Variants in CHD8 observed in about 807,000 individuals in gnomAD.
CHD8 encodes chromodomain helicase DNA binding protein 8.
Under a neutral mutation model 279.2 loss-of-function variants are expected in CHD8, and 31 were observed. The ratio of observed to expected loss-of-function variants is 0.11; its 90% confidence interval spans 0.08 to 0.15. CHD8 has a LOEUF of 0.15. Ranked by LOEUF, CHD8 falls within the 10% of genes least tolerant of loss-of-function variation. The pLI is 1.00. For synonymous variants in CHD8, 1,081 were observed against 1,139.6 expected, an observed-to-expected ratio of 0.95 and a Z score of 1.04; for missense variants, 2,146 against 3,230.5, an observed-to-expected ratio of 0.66 and a Z score of 8.14.
intron 5 of CHD8, among the ~76,000 whole-genome samples, chr14:21,420,498 C>A (rs189986064): frequency 1.3e-5 from 2 of 152,224 alleles, no homozygotes; most frequent in Admixed American, 1.3e-4. Context: ...CATGGGACTT[C>A]ATTAAAAATC....
chr14:21,420,455 C>G (rs529466798), intron 5 of CHD8, among the ~76,000 whole-genome samples: 87 of 152,234 alleles, frequency 5.7e-4, no homozygotes, highest in African/African-American at 2.0e-3. Flanking sequence ...AGTGAGCCAT[C>G]TGTTGATAAA....
Position 21,400,913 on chromosome 14 carries a change from A to T in CHD8, c.4332T>A (p.Thr1444=). 2 of 1,613,312 alleles carry T rather than the reference A, an allele frequency of 1.2e-6. No individual in the cohort carries two copies. The highest frequency in any genetic ancestry group is 8.5e-7 in the Non-Finnish European group (1 of 1,179,618). Residue 1444 remains threonine, a synonymous_variant, in exon 22 of 38, where the codon ACT becomes ACA. Coordinates refer to ENST00000646647, the MANE Select transcript of CHD8 (RefSeq NM_001170629.2). The surrounding 1 kb of genome is among the most constrained non-coding windows in gnomAD (Gnocchi z 4.2). ...RHDRHHAYGR[T]DCFRVEKHLL... ...GATGCTTTTCCACCCGAAAGCAGTC[A>T]GTGCGCCCATAGGCATGATGACGGT...
rs936150410 is a variant in CHD8 at position 21,410,097 on chromosome 14, A to G, written c.2227-109T>C. 7 of 1,102,240 alleles carry G rather than the reference A, an allele frequency of 6.4e-6. No individual in the cohort carries two copies. The Admixed American group carries it at 1.2e-4, about 20-fold the overall frequency. 68.3% of individuals were successfully genotyped at this position (1,102,240 alleles called of 1,614,324 possible). ...CAGATCACAAAGTATCAGTACCTAG[A>G]AGCCGTTGAAAAAGTCAGGCCAAAC... On this transcript the variant is annotated intron_variant, in intron 10 of 37. Transcript: ENST00000646647.
chr14:21,394,465 G>A lies in CHD8; in HGVS notation c.5411C>T (p.Thr1804Ile), dbSNP rs1887684414. ...CGTAGACACCACTCGATAAAAATCAGTTTGTTCACGCCTTGTCCATCTACA... is the reference window on the plus strand; with the variant it reads ...CGTAGACACCACTCGATAAAAATCAATTTGTTCACGCCTTGTCCATCTACA... ...KQQRWTRREQTDFYRVVSTFG... is the reference protein window; with the variant it reads ...KQQRWTRREQIDFYRVVSTFG... The change falls in exon 31 of 38, where the codon ACT (threonine) becomes ATT (isoleucine). Residue 1804 changes from threonine (T) to isoleucine (I), a missense_variant. By Grantham distance (89) the Thr-to-Ile change is moderately conservative. This residue lies in a region of CHD8 where 513 missense variants were observed against 637.6 expected (regional missense o/e 0.80). Transcript: ENST00000646647. The A allele has an allele frequency of 1.9e-6, 3 of 1,602,564 alleles. No individual in the cohort carries two copies. Among genetic ancestry groups the A allele is most frequent in the Non-Finnish European group, 2.6e-6 (3 of 1,174,158 alleles).
chr14:21,441,374 C>T (rs1295166224), intron 1 of CHD8, among the ~76,000 whole-genome samples: 2 of 152,242 alleles, frequency 1.3e-5, no homozygotes, highest in East Asian at 1.9e-4. Context: ...AAGATGATTC[C>T]TGTTGTTTGC....
chr14:21,391,716 T>C (rs1276196757), intron 35 of CHD8, 74 bp from the exon 36 acceptor site: 2 of 1,518,580 alleles, frequency 1.3e-6, no homozygotes, highest in East Asian at 2.3e-5. Flanking sequence ...GCAGGGCCAA[T>C]GGTAGTCATG....
chr14:21,424,969 T>G (rs1364929862), intron 5 of CHD8, among the ~76,000 whole-genome samples: 1 of 152,210 alleles, frequency 6.6e-6, no homozygotes, highest in Non-Finnish European at 1.5e-5. Context: ...ACAGAGCTAC[T>G]TAGAAGCACT....
chr14:21,398,075 A>C, intron 26 of CHD8, 123 bp from the exon 27 acceptor site: 1 of 916,498 alleles, frequency 1.1e-6, no homozygotes, highest in African/African-American at 1.7e-5. Flanking sequence ...CAAAGTTAGA[A>C]TGTTATCTTG....
rs112826779 is a variant in CHD8, at chr14:21,387,163, G to A, written c.7183-987C>T. On this transcript the variant is annotated intron_variant, in intron 37 of 37. Coordinates refer to ENST00000646647, the MANE Select transcript of CHD8 (RefSeq NM_001170629.2). ...TATTCCTGCAGGTCCCAAGAATAACGTAGTGCTAGATTCACTGTCAATTCT... is the reference window on the plus strand; with the variant it reads ...TATTCCTGCAGGTCCCAAGAATAACATAGTGCTAGATTCACTGTCAATTCT... Among the ~76,000 whole-genome samples, 53 of 152,298 alleles carry A rather than the reference G, an allele frequency of 3.5e-4. No homozygotes were observed. The East Asian group carries it at 6.2e-3, about 18-fold the overall frequency.
In CHD8 at chr14:21,408,466, T is replaced by C. The variant is rs1236911001; in HGVS notation, c.2576A>G (p.His859Arg). ...FLQEVYNVGI[H>R]GPFLVIAPLS... ...TGGGGCAATGACCAAGAAGGGACCATGGATGCCCACATTATATACTTCCTG... is the reference window on the plus strand; with the variant it reads ...TGGGGCAATGACCAAGAAGGGACCACGGATGCCCACATTATATACTTCCTG... Residue 859 changes from histidine to arginine, a missense_variant, in exon 13 of 38, where the codon CAT (histidine) becomes CGT (arginine). Around this residue, in one of 26 missense-constraint regions of CHD8, gnomAD observed 211 missense variants for 464.7 expected, o/e 0.45. Transcript: ENST00000646647. The surrounding 1 kb of genome is among the most constrained non-coding windows in gnomAD (Gnocchi z 4.3). The C allele has an allele frequency of 1.2e-6, 2 of 1,613,984 alleles. No homozygotes were observed. The highest frequency in any genetic ancestry group is 1.7e-6 in the Non-Finnish European group (2 of 1,179,876).
At chr14:21,436,865 A>G in intron 1 of CHD8, 1 of 800,158 alleles carries the variant, frequency 1.2e-6, no homozygotes, top group South Asian at 1.5e-5. Context: ...GGAAAACGCG[A>G]CTGGGGTGGG....
At position 21,429,270 on chromosome 14, in the gene CHD8, C is replaced by T. The variant is rs749315212; in HGVS notation, c.909G>A (p.Arg303=). The T allele has an allele frequency of 1.2e-6, 2 of 1,610,928 alleles. No individual in the cohort carries two copies. The highest frequency in any genetic ancestry group is 1.1e-5 in the South Asian group (1 of 90,890). The change falls in exon 3 of 38, where the codon CGG becomes CGA. Residue 303 remains arginine, a synonymous_variant. Transcript: ENST00000646647. Reference sequence around the variant, plus strand: ...CTGGTAGACTCCCTAGCACAACATGCCGATGTCCTTGGGGACCTCCAGACT... The same window carrying T: ...CTGGTAGACTCCCTAGCACAACATGTCGATGTCCTTGGGGACCTCCAGACT... The part of the protein sequence containing the change: ...QPQSGGPQGH[R]HVVLGSLPGK...
chr14:21,453,578 C>T (rs1054918120), intron 1 of CHD8, among the ~76,000 whole-genome samples: 1 of 151,800 alleles, frequency 6.6e-6, no homozygotes, highest in Non-Finnish European at 1.5e-5. Flanking sequence ...ACAGGTCATG[C>T]GAAGACCTGC....
intron 3 of CHD8, among the ~76,000 whole-genome samples, 168 bp downstream of exon 3, chr14:21,428,796 T>G (rs1889437962): frequency 6.6e-6 from 1 of 152,204 alleles, no homozygotes; most frequent in South Asian, 2.1e-4. Context: ...CTTTTAATAA[T>G]ATAATTAAAA....
intron 2 of CHD8, chr14:21,430,018 G>A (rs1889498105): frequency 6.5e-6 from 1 of 153,612 alleles, no homozygotes; most frequent in East Asian, 1.9e-4. Flanking sequence ...TAATGCAGCA[G>A]TTCATTTTTG....
intron 4 of CHD8, chr14:21,426,508 T>C: frequency 2.8e-6 from 1 of 363,522 alleles, no homozygotes; most frequent in Non-Finnish European, 4.9e-6. Context: ...TAGCACAAGA[T>C]AGGAGAATAA....
intron 25 of CHD8, 27 bp from the exon 26 acceptor site, chr14:21,399,732 C>T: frequency 7.0e-7 from 1 of 1,431,914 alleles, no homozygotes; most frequent in Non-Finnish European, 9.9e-7. Flanking sequence ...GCAGAGTCAG[C>T]ACAGAAATGC....
At chr14:21,441,756 G>A (rs1443976894) in intron 1 of CHD8, among the ~76,000 whole-genome samples, 3 of 152,152 alleles carry the variant, frequency 2.0e-5, no homozygotes, top group Non-Finnish European at 4.4e-5. Context: ...GGGCGTGGTG[G>A]TGGGCACCTG....
rs969451281 is a variant in CHD8 at position 21,408,202 on chromosome 14, C to G, written c.2730+110G>C. 3.1e-6 allele frequency: 4 copies of G among 1,300,352 alleles called. No individual in the cohort carries two copies. The African/African-American group carries it at 5.9e-5, about 19-fold the overall frequency. 80.6% of individuals were successfully genotyped at this position (1,300,352 alleles called of 1,614,324 possible). A position where few individuals can be genotyped will look rare whatever the true frequency, so the allele number is the denominator to read the frequency against. ...TAAACCATAGGCATTTTTGCATAGG[C>G]ATATTGAAGACTTTCAATAAAAGTC... On this transcript the variant is annotated intron_variant, in intron 13 of 37. Coordinates refer to ENST00000646647, the MANE Select transcript of CHD8 (RefSeq NM_001170629.2). This position sits in a 1 kb window ranked among gnomAD's most constrained non-coding sequence, Gnocchi z 4.3.
Sources: allele counts gnomAD v4.1 joint callset (sites outside exome capture counted in the v4.1 genomes callset), GRCh38; gene constraint gnomAD v4.1.1; regional missense constraint gnomAD v4.1.1; non-coding constraint Gnocchi (gnomAD v3.1); transcripts MANE v1.5; gene names NCBI Gene and HGNC (gene_info 2026-07-23, HGNC 2026-07-21).